NTM: variants seen among roughly 807,000 people sequenced by gnomAD.
NTM encodes the protein IgLON family member 2.
A neutral mutation model predicts 42.1 loss-of-function variants in NTM; 13 were observed. That is an observed-to-expected ratio of 0.31 (90% confidence interval 0.20 to 0.49). The LOEUF is 0.49. Among genes scored for constraint, NTM ranks in the 20% least tolerant of loss-of-function variants. The pLI, the probability that NTM is intolerant of heterozygous loss-of-function variation, is 0.99. For missense variants in NTM, 373 were observed against 452.8 expected (o/e 0.82, Z 1.60); for synonymous variants, 187 against 179.2 (o/e 1.04, Z -0.35).
At chr11:131,391,642 G>GA (rs1296944392) in intron 1 of NTM, among the ~76,000 whole-genome samples, 20 of 87,040 alleles carry the variant, frequency 2.3e-4, no homozygotes, top group Admixed American at 3.8e-4. Flanking sequence ...ACTTTTATCT[G>GA]GGAAAAAAAA....
At chr11:132,069,369 A>C (rs2057053983) in intron 2 of NTM, among the ~76,000 whole-genome samples, 1 of 105,290 alleles carries the variant, frequency 9.5e-6, no homozygotes, top group African/African-American at 4.2e-5. Context: ...TGACCATCAC[A>C]GGTTAGTTAA....
chr11:132,234,631 A>C (rs1302364023), intron 4 of NTM, among the ~76,000 whole-genome samples: 4 of 152,200 alleles, frequency 2.6e-5, no homozygotes, highest in Non-Finnish European at 5.9e-5. Flanking sequence ...CGATTTCATA[A>C]TTTCAAAAAC....
Position 131,762,911 on chromosome 11 carries a change from C to A in NTM, c.83-148653C>A, listed in dbSNP as rs556552107. ...CTGCCTCCCCATTGTCACCGCTGAG[C>A]GATGCCATGTGCTTATTCATGCTGC... is the stretch of plus-strand genomic sequence containing the variant. On this transcript the variant is annotated intron_variant, in intron 1 of 8. Coordinates refer to ENST00000683400, the MANE Select transcript of NTM (RefSeq NM_001352005.2). Among the ~76,000 whole-genome samples, 40 of 152,326 alleles carry A rather than the reference C, an allele frequency of 2.6e-4. No individual in the cohort carries two copies. In the East Asian group the frequency reaches 7.0e-3, roughly 26 times the overall value.
In NTM at chr11:132,330,092, C is replaced by T. The variant is rs1383733550; in HGVS notation, c.935-61C>T. The T allele has an allele frequency of 3.0e-5, 47 of 1,546,420 alleles. No homozygotes were observed. The South Asian group carries it at 3.6e-4, about 12-fold the overall frequency. On this transcript the variant is annotated intron_variant, in intron 7 of 8. Coordinates refer to ENST00000683400, the MANE Select transcript of NTM (RefSeq NM_001352005.2). ...GCTTCTTCCTGAAATCATCTGAGGG[C>T]AAAGTGAGCATCTCCGTCTGCTTTC... is the stretch of plus-strand genomic sequence containing the variant.
At chr11:131,812,315 C>T (rs957699640) in intron 1 of NTM, among the ~76,000 whole-genome samples, 13 of 151,784 alleles carry the variant, frequency 8.6e-5, no homozygotes, top group East Asian at 1.9e-4. Flanking sequence ...TATGAGGGTA[C>T]GGGGAATTGA....
At chr11:131,554,817 C>A (rs1262779888) in intron 1 of NTM, among the ~76,000 whole-genome samples, 2 of 152,144 alleles carry the variant, frequency 1.3e-5, no homozygotes, top group Non-Finnish European at 2.9e-5. Context: ...TGCTTGGATG[C>A]ACTTTGCTTT....
intron 1 of NTM, among the ~76,000 whole-genome samples, chr11:131,377,703 C>T (rs1942150298): frequency 6.6e-6 from 1 of 152,220 alleles, no homozygotes; most frequent in African/African-American, 2.4e-5. Context: ...TTCTCCTACA[C>T]ACCCATCTTC....
chr11:131,693,164 T>C (rs789533), intron 1 of NTM, among the ~76,000 whole-genome samples: 41,992 of 151,640 alleles, frequency 0.28, 7,505 homozygotes, highest in African/African-American at 0.51. Flanking sequence ...GCTGGGGAAA[T>C]TCACAAACAA....
At chr11:131,803,911 T>C (rs1362490580) in intron 1 of NTM, among the ~76,000 whole-genome samples, 2 of 152,250 alleles carry the variant, frequency 1.3e-5, no homozygotes, top group African/African-American at 4.8e-5. Flanking sequence ...CACCTCCCAC[T>C]GTCCAATTAT....
intron 1 of NTM, among the ~76,000 whole-genome samples, chr11:131,815,616 C>T (rs1236142671): frequency 6.6e-6 from 1 of 152,084 alleles, no homozygotes; most frequent in Non-Finnish European, 1.5e-5. Flanking sequence ...GGTGGCTTAC[C>T]CAACCCCCAC....
At chr11:131,871,538 C>T (rs1016308347) in intron 1 of NTM, among the ~76,000 whole-genome samples, 3 of 152,164 alleles carry the variant, frequency 2.0e-5, no homozygotes, top group East Asian at 1.9e-4. Context: ...TAGCTATTAG[C>T]GATCAAACAT....
At chr11:132,210,971 G>A (rs1282938760) in intron 3 of NTM, among the ~76,000 whole-genome samples, 3 of 152,054 alleles carry the variant, frequency 2.0e-5, no homozygotes, top group Non-Finnish European at 2.9e-5. Context: ...GAGAGAGAGA[G>A]ATGTTATGGC....
chr11:132,101,218 G>A lies in NTM; in HGVS notation c.168-45064G>A, dbSNP rs114851821. ...CCCACCCTTTATTTTAATATTGATC[G>A]TGCCAGTTGTGTTCCACCGCAGAGA... is the stretch of plus-strand genomic sequence containing the variant. On this transcript the variant is annotated intron_variant, in intron 2 of 8. Coordinates refer to ENST00000683400, the MANE Select transcript of NTM (RefSeq NM_001352005.2). Among the ~76,000 whole-genome samples the A allele has an allele frequency of 6.6e-3, 999 of 151,936 alleles. 11 individuals are homozygous for A. Among genetic ancestry groups the A allele is most frequent in the African/African-American group, 0.023 (943 of 41,402 alleles).
chr11:131,381,009 G>T (rs372266027), intron 1 of NTM, among the ~76,000 whole-genome samples: 9 of 152,062 alleles, frequency 5.9e-5, no homozygotes, highest in Non-Finnish European at 1.3e-4. Flanking sequence ...ATAATAAACC[G>T]GATGTTATGG....
intron 1 of NTM, among the ~76,000 whole-genome samples, chr11:131,780,266 A>G (rs1211864459): frequency 3.3e-5 from 5 of 152,176 alleles, no homozygotes; most frequent in Admixed American, 3.3e-4. Flanking sequence ...CAGGGACAGC[A>G]GGTGCAGAGA....
At chr11:131,816,489 C>T (rs764082949) in intron 1 of NTM, among the ~76,000 whole-genome samples, 2 of 149,760 alleles carry the variant, frequency 1.3e-5, no homozygotes, top group Admixed American at 1.3e-4. Context: ...AGATTACAGA[C>T]GAAATGACGG....
chr11:132,168,248 C>G (rs758792576), intron 3 of NTM, among the ~76,000 whole-genome samples: 3 of 152,184 alleles, frequency 2.0e-5, no homozygotes, highest in Non-Finnish European at 4.4e-5. Flanking sequence ...AGAAATACAT[C>G]TAAAGAGGGC....
chr11:131,720,973 C>A (rs1237210127), intron 1 of NTM, among the ~76,000 whole-genome samples: 2 of 152,082 alleles, frequency 1.3e-5, no homozygotes, highest in Non-Finnish European at 2.9e-5. Context: ...ATCATCCTTG[C>A]CTTCCTTGCT....
At chr11:131,846,296 T>C (rs549406284) in intron 1 of NTM, among the ~76,000 whole-genome samples, 2 of 152,282 alleles carry the variant, frequency 1.3e-5, no homozygotes, top group East Asian at 1.9e-4. Context: ...TTTGTTGTTC[T>C]CTTCAGAGAG....
Sources: allele counts gnomAD v4.1 joint callset (sites outside exome capture counted in the v4.1 genomes callset), GRCh38; gene constraint gnomAD v4.1.1; transcripts MANE v1.5; gene names NCBI Gene and HGNC (gene_info 2026-07-23, HGNC 2026-07-21).